Variants in RAPGEF4 observed in about 807,000 individuals in gnomAD.
RAPGEF4 encodes RAP guanine-nucleotide-exchange factor (GEF) 4.
A neutral mutation model predicts 147.9 loss-of-function variants in RAPGEF4; 66 were observed. The ratio of observed to expected loss-of-function variants is 0.45; its 90% confidence interval spans 0.37 to 0.55. The LOEUF (loss-of-function observed/expected upper bound fraction) is 0.55, where lower values mean the gene tolerates loss of function less well. RAPGEF4 is among the 20% of genes least tolerant of loss of function. The pLI is 0.00. For synonymous variants in RAPGEF4, 419 were observed against 442.7 expected, an observed-to-expected ratio of 0.95 and a Z score of 0.67; for missense variants, 1,071 against 1,257.3, an observed-to-expected ratio of 0.85 and a Z score of 2.24.
chr2:172,810,818 G>T (rs1277040851), intron 3 of RAPGEF4, among the ~76,000 whole-genome samples: 1 of 152,188 alleles, frequency 6.6e-6, no homozygotes, highest in Admixed American at 6.5e-5. Context: ...GTTTGGTCCA[G>T]TACCTCCCCA....
intron 23 of RAPGEF4, among the ~76,000 whole-genome samples, chr2:173,025,177 G>A (rs940577731): frequency 1.3e-5 from 2 of 152,214 alleles, no homozygotes; most frequent in Non-Finnish European, 2.9e-5. Context: ...AGCAGCAGAT[G>A]CTGCCTCTGT....
chr2:173,044,389 A>C (rs1685172335), intron 29 of RAPGEF4, among the ~76,000 whole-genome samples: 1 of 152,180 alleles, frequency 6.6e-6, no homozygotes, highest in East Asian at 1.9e-4. Context: ...GGGAAAACAA[A>C]TCCTGCTGAT....
intron 1 of RAPGEF4, among the ~76,000 whole-genome samples, chr2:172,771,489 G>A (rs2149489185): frequency 2.0e-5 from 3 of 152,050 alleles, no homozygotes; most frequent in African/African-American, 7.2e-5. Context: ...AAAATATATA[G>A]CATATTGAGG....
intron 5 of RAPGEF4, among the ~76,000 whole-genome samples, chr2:172,920,184 A>T (rs1334714979): frequency 2.0e-5 from 3 of 152,144 alleles, no homozygotes; most frequent in African/African-American, 7.2e-5. Flanking sequence ...TTAATACTTC[A>T]ATATATTTCT....
intron 4 of RAPGEF4, among the ~76,000 whole-genome samples, chr2:172,897,624 A>T (rs1031321878): frequency 1.3e-5 from 2 of 150,938 alleles, no homozygotes; most frequent in Non-Finnish European, 3.0e-5. Flanking sequence ...CTATTCTCGA[A>T]CTCCTGGCCT....
At chr2:172,806,072 A>T (rs1190308945) in intron 3 of RAPGEF4, among the ~76,000 whole-genome samples, 1 of 151,712 alleles carries the variant, frequency 6.6e-6, no homozygotes, top group African/African-American at 2.4e-5. Context: ...TACTTCAGAG[A>T]CAGAGAGAAA....
chr2:172,795,537 A>G (rs1259242271), intron 2 of RAPGEF4, among the ~76,000 whole-genome samples: 1 of 152,228 alleles, frequency 6.6e-6, no homozygotes, highest in African/African-American at 2.4e-5. Flanking sequence ...GCTGATAGTA[A>G]TGTTTTGAAT....
intron 4 of RAPGEF4, among the ~76,000 whole-genome samples, chr2:172,902,584 C>A (rs72908260): frequency 0.016 from 2,395 of 152,222 alleles, 24 homozygotes; most frequent in South Asian, 0.036. Context: ...CTCTCATGCC[C>A]CACCCCTTCA....
Position 173,033,181 on chromosome 2 carries a change from T to C in RAPGEF4, c.2650-733T>C, listed in dbSNP as rs1697356318. Among the ~76,000 whole-genome samples, 3 of 152,168 alleles carry C rather than the reference T, an allele frequency of 2.0e-5. No homozygotes were observed. In the South Asian group the frequency reaches 6.2e-4, roughly 32 times the overall value. ...ATTGATAGAACTATCCAATTTTGTA[T>C]TATAGGAAGGCATGTGGGAGAAATA... is the stretch of plus-strand genomic sequence containing the variant. On this transcript the variant is annotated intron_variant, in intron 26 of 30. Transcript: ENST00000397081.
intron 6 of RAPGEF4, among the ~76,000 whole-genome samples, chr2:172,944,503 C>T (rs1424285188): frequency 1.3e-5 from 2 of 152,162 alleles, no homozygotes; most frequent in African/African-American, 2.4e-5. Flanking sequence ...TGACTGACTA[C>T]CTTCCCACAC....
At chr2:173,018,550 G>T in intron 21 of RAPGEF4, 106 bp from the exon 22 acceptor site, 1 of 1,255,094 alleles carries the variant, frequency 8.0e-7, no homozygotes, top group South Asian at 1.5e-5. Context: ...TAACAAAAAT[G>T]GCAAAATGAT....
intron 6 of RAPGEF4, among the ~76,000 whole-genome samples, chr2:172,933,870 G>C (rs1686240714): frequency 6.6e-6 from 1 of 152,168 alleles, no homozygotes; most frequent in African/African-American, 2.4e-5. Flanking sequence ...CTAATTTAAT[G>C]AATAGGTAGA....
intron 11 of RAPGEF4, 108 bp downstream of exon 11, chr2:172,983,688 A>G: frequency 6.7e-7 from 1 of 1,483,658 alleles, no homozygotes; most frequent in East Asian, 2.4e-5. Flanking sequence ...TCTGATTTTC[A>G]CCTCATAAAT....
chr2:173,024,315 T>G (rs951808895), intron 23 of RAPGEF4, among the ~76,000 whole-genome samples: 2 of 144,318 alleles, frequency 1.4e-5, no homozygotes, highest in Non-Finnish European at 3.1e-5. Context: ...CCTCCCGGGT[T>G]CACGCCATTC....
At chr2:172,821,668 T>C in intron 4 of RAPGEF4, 1 of 1,044,712 alleles carries the variant, frequency 9.6e-7, no homozygotes. Flanking sequence ...TTCAAGCTTT[T>C]CCATGGAGTG....
chr2:172,897,732 C>CTATTTTAT (rs1553523298), intron 4 of RAPGEF4, among the ~76,000 whole-genome samples: 2 of 134,140 alleles, frequency 1.5e-5, no homozygotes, highest in Non-Finnish European at 3.1e-5. Context: ...GAGTTTTCAT[C>CTATTTTAT]TATTTTATTT....
intron 4 of RAPGEF4, among the ~76,000 whole-genome samples, chr2:172,816,004 T>C (rs2149608621): frequency 6.6e-6 from 1 of 152,338 alleles, no homozygotes; most frequent in Non-Finnish European, 1.5e-5. Context: ...GGTGAACTAC[T>C]TTATCGTAAA....
rs187035618 is a variant in RAPGEF4 at position 172,822,852 on chromosome 2, G to A, written c.444+8427G>A. Among the ~76,000 whole-genome samples, 22 of 152,292 alleles carry A rather than the reference G, an allele frequency of 1.4e-4. No individual in the cohort carries two copies. The East Asian group carries it at 4.3e-3, about 29-fold the overall frequency. On this transcript the variant is annotated intron_variant, in intron 4 of 30. Coordinates refer to ENST00000397081, the MANE Select transcript of RAPGEF4 (RefSeq NM_007023.4). ...ACTCAGCTAAGCTACTGAGCAGCCT[G>A]CCCTTCTCAATAGCTGCTCACCTCA...
intron 11 of RAPGEF4, 98 bp from the exon 12 acceptor site, chr2:172,985,335 C>G (rs1177890063): frequency 5.1e-6 from 8 of 1,558,948 alleles, no homozygotes; most frequent in Non-Finnish European, 7.0e-6. Context: ...ATGGGAAGCC[C>G]CGGGACAGTT....
Sources: allele counts gnomAD v4.1 joint callset (sites outside exome capture counted in the v4.1 genomes callset), GRCh38; gene constraint gnomAD v4.1.1; transcripts MANE v1.5; gene names NCBI Gene and HGNC (gene_info 2026-07-23, HGNC 2026-07-21).